NOTCH2: variants seen among roughly 807,000 people sequenced by gnomAD.
NOTCH2 encodes the protein notch receptor 2.
NOTCH2 carries 29 observed loss-of-function variants against 235.8 expected under a neutral mutation model. That is an observed-to-expected ratio of 0.12 (90% confidence interval 0.09 to 0.17). NOTCH2 has a LOEUF of 0.17. Ranked by LOEUF, NOTCH2 falls within the 10% of genes least tolerant of loss-of-function variation. NOTCH2 has a pLI of 1.00. For missense variants in NOTCH2, 2,285 were observed against 3,150.2 expected (o/e 0.73, Z 6.57); for synonymous variants, 1,086 against 1,141.5 (o/e 0.95, Z 0.98).
chr1:119,958,943 T>A (rs1650829953), intron 12 of NOTCH2, among the ~76,000 whole-genome samples: 1 of 152,150 alleles, frequency 6.6e-6, no homozygotes, highest in Non-Finnish European at 1.5e-5. Context: ...GAAGACGAAG[T>A]ACCCAGAAAT....
intron 12 of NOTCH2, among the ~76,000 whole-genome samples, chr1:119,957,885 A>ACAC (rs1553198569): frequency 2.1e-4 from 16 of 76,960 alleles, no homozygotes; most frequent in Admixed American, 1.8e-3. Flanking sequence ...CACACACACA[A>ACAC]CAGGCCCCTA....
intron 2 of NOTCH2, among the ~76,000 whole-genome samples, chr1:120,005,800 C>CA (rs1210181134): frequency 1.1e-5 from 1 of 89,944 alleles, no homozygotes; most frequent in Admixed American, 1.4e-4. Flanking sequence ...TGGCAGGTGA[C>CA]AGAGTATCAG....
rs202109327 is a variant in NOTCH2 at position 119,929,260 on chromosome 1, G to T, written c.3656-48C>A. The T allele has an allele frequency of 3.3e-6, 5 of 1,517,430 alleles. No homozygotes were observed. The East Asian group carries it at 1.1e-4, about 34-fold the overall frequency. 94.0% of individuals were successfully genotyped at this position (1,517,430 alleles called of 1,614,324 possible). A position where few individuals can be genotyped will look rare whatever the true frequency, so the allele number is the denominator to read the frequency against. On this transcript the variant is annotated intron_variant, in intron 22 of 33. Coordinates refer to ENST00000256646, the MANE Select transcript of NOTCH2 (RefSeq NM_024408.4). ...AGAATTATGAAAATCCTTTTAACCT[G>T]CTTTCCAGCAAGGGATAACCACCCT...
intron 5 of NOTCH2, among the ~76,000 whole-genome samples, chr1:119,970,881 T>C (rs1451281210): frequency 1.3e-5 from 2 of 152,228 alleles, no homozygotes; most frequent in African/African-American, 4.8e-5. Flanking sequence ...GTGTCCTTCA[T>C]TCTTCCTTTG....
In NOTCH2 at chr1:120,048,454, T is replaced by G. The variant is rs1420058067; in HGVS notation, c.74-18467A>C. Among the ~76,000 whole-genome samples the G allele has an allele frequency of 6.6e-5, 8 of 121,972 alleles. 1 individual carries two copies. The highest frequency in any genetic ancestry group is 2.1e-4 in the East Asian group (1 of 4,760). The allele number at this position is 121,972 out of a possible 152,430, so 80.0% of individuals were successfully genotyped here. ...GACAGGCCCAATACCACTTTTTTTT[T>G]TTTTTTTTTTTGGAGACAGGATCTT... On this transcript the variant is annotated intron_variant, in intron 1 of 33. Transcript: ENST00000256646.
chr1:119,966,620 T>C, intron 8 of NOTCH2, 131 bp from the exon 9 acceptor site: 1 of 721,862 alleles, frequency 1.4e-6, no homozygotes, highest in Non-Finnish European at 2.5e-6. Flanking sequence ...AAAGGAACTC[T>C]GCCATGATGA....
rs1369477173 is a variant in NOTCH2, at chr1:119,912,233, T to G, written c.*3073A>C. The G allele has an allele frequency of 4.3e-6, 1 of 233,138 alleles. No homozygotes were observed. Among genetic ancestry groups the G allele is most frequent in the Non-Finnish European group, 8.5e-6 (1 of 117,846 alleles). The allele number at this position is 233,138 out of a possible 1,614,324, so 14.4% of individuals were successfully genotyped here. On this transcript the variant is annotated 3_prime_UTR_variant, in exon 34 of 34. Coordinates refer to ENST00000256646, the MANE Select transcript of NOTCH2 (RefSeq NM_024408.4). ...GGGTTTCTCATACAAACAGATATAA[T>G]ATCACTTTTAAGAGAAATGTACACA... is the stretch of plus-strand genomic sequence containing the variant.
At position 119,914,312 on chromosome 1, in the gene NOTCH2, C is replaced by T. The variant is rs1648989889; in HGVS notation, c.*994G>A. 8.6e-6 allele frequency: 2 copies of T among 233,022 alleles called. No individual in the cohort carries two copies. The highest frequency in any genetic ancestry group is 6.0e-5 in the East Asian group (1 of 16,582). 14.4% of individuals were successfully genotyped at this position (233,022 alleles called of 1,614,324 possible). ...GGGGGACCTGTGGGTGGGTAACTGG[C>T]TCTTGCACGAGTTAACTTGTCTCTT... On this transcript the variant is annotated 3_prime_UTR_variant, in exon 34 of 34. Transcript: ENST00000256646.
chr1:119,966,319 T>C, intron 9 of NOTCH2, 57 bp downstream of exon 9: 2 of 1,123,894 alleles, frequency 1.8e-6, no homozygotes, highest in East Asian at 2.3e-5. Context: ...CTCTCTTCCC[T>C]GTGGTCAGTT....
intron 5 of NOTCH2, among the ~76,000 whole-genome samples, chr1:119,980,305 C>G (rs1299109370): frequency 6.6e-6 from 1 of 152,158 alleles, no homozygotes; most frequent in East Asian, 1.9e-4. Flanking sequence ...AAAGTATTCC[C>G]CACTAAAAAC....
intron 2 of NOTCH2, among the ~76,000 whole-genome samples, chr1:120,009,350 C>G (rs1326048506): frequency 6.6e-6 from 1 of 151,574 alleles, no homozygotes; most frequent in Non-Finnish European, 1.5e-5. Flanking sequence ...TTATGTGAAA[C>G]TAGACCTACT....
In NOTCH2 at chr1:119,925,619, G is replaced by C. The variant is rs866479046; in HGVS notation, c.4197C>G (p.Ser1399=). 1.9e-6 allele frequency: 3 copies of C among 1,613,810 alleles called. No individual in the cohort carries two copies. In the African/African-American group the frequency reaches 4.0e-5, roughly 22 times the overall value. ...CHPQRQPPYY[S]CQCAPPFSGS... Reference sequence around the variant, plus strand: ...CCGAGAATGGTGGGGCACACTGGCAGGAGTAATAAGGAGGCTGGCGCTGAG... The same window carrying C: ...CCGAGAATGGTGGGGCACACTGGCACGAGTAATAAGGAGGCTGGCGCTGAG... The change falls in exon 25 of 34, where the codon TCC becomes TCG. Residue 1399 remains serine (S), a synonymous_variant. Coordinates refer to ENST00000256646, the MANE Select transcript of NOTCH2 (RefSeq NM_024408.4).
chr1:119,925,611 C>T lies in NOTCH2; in HGVS notation c.4205G>A (p.Cys1402Tyr). Residue 1402 changes from cysteine (C) to tyrosine (Y), a missense_variant, in exon 25 of 34, where the codon TGT (cysteine) becomes TAT (tyrosine). This residue lies in a region of NOTCH2 where 1,173 missense variants were observed against 1,515.3 expected (regional missense o/e 0.77). Coordinates refer to ENST00000256646, the MANE Select transcript of NOTCH2 (RefSeq NM_024408.4). ...QRQPPYYSCQ[C>Y]APPFSGSRCE... ...GCGGCTACCCGAGAATGGTGGGGCA[C>T]ACTGGCAGGAGTAATAAGGAGGCTG... The T allele has an allele frequency of 6.2e-7, 1 of 1,614,084 alleles. No homozygotes were observed. Among genetic ancestry groups the T allele is most frequent in the Non-Finnish European group, 8.5e-7 (1 of 1,180,002 alleles).
At position 119,968,113 on chromosome 1, in the gene NOTCH2, C is replaced by T. The variant is rs370349228; in HGVS notation, c.1228G>A (p.Ala410Thr). ...ICTCPQGYKG[A>T]DCTEDVDECA... is the part of the protein sequence containing the mutation. ...TCATCCACATCTTCTGTGCAGTCAGCCCCTTTGTAGCCTTGTGGGCAGGTG... is the reference window on the plus strand; with the variant it reads ...TCATCCACATCTTCTGTGCAGTCAGTCCCTTTGTAGCCTTGTGGGCAGGTG... Residue 410 changes from alanine (A) to threonine (T), a missense_variant, in exon 7 of 34, where the codon GCT becomes ACT. By Grantham distance (58) the Ala-to-Thr change is moderately conservative. Transcript: ENST00000256646. 1.9e-6 allele frequency: 3 copies of T among 1,614,000 alleles called. No individual in the cohort carries two copies. The highest frequency in any genetic ancestry group is 2.5e-6 in the Non-Finnish European group (3 of 1,179,976).
chr1:120,063,140 G>A (rs1655372461), intron 1 of NOTCH2, among the ~76,000 whole-genome samples: 1 of 151,626 alleles, frequency 6.6e-6, no homozygotes, highest in African/African-American at 2.4e-5. Context: ...CTTTGTGAGA[G>A]GAGCAATCCT....
intron 32 of NOTCH2, 37 bp from the exon 33 acceptor site, chr1:119,917,799 C>T: frequency 8.3e-7 from 1 of 1,210,398 alleles, no homozygotes; most frequent in Non-Finnish European, 1.2e-6. Flanking sequence ...CAGACATATC[C>T]TACTCTTAGT....
chr1:119,941,882 G>A lies in NOTCH2; in HGVS notation c.2753-128C>T, dbSNP rs75324530. The A allele has an allele frequency of 3.0e-3, 2,196 of 733,966 alleles. 29 individuals are homozygous for A. In the African/African-American group the frequency reaches 0.034, roughly 11 times the overall value. The allele number at this position is 733,966 out of a possible 1,614,324, so 45.5% of individuals were successfully genotyped here. ...AATTCTGACTTTTTCATTCAATTTT[G>A]CCAACTCCCTCATTTATGAAAATGA... On this transcript the variant is annotated intron_variant, in intron 17 of 33. Coordinates refer to ENST00000256646, the MANE Select transcript of NOTCH2 (RefSeq NM_024408.4).
At chr1:119,977,656 T>C (rs1651640399) in intron 5 of NOTCH2, among the ~76,000 whole-genome samples, 1 of 152,200 alleles carries the variant, frequency 6.6e-6, no homozygotes, top group African/African-American at 2.4e-5. Flanking sequence ...TTCCAGATGA[T>C]ATGTGCTTTA....
intron 11 of NOTCH2, 55 bp downstream of exon 11, chr1:119,963,519 A>G: frequency 1.4e-6 from 2 of 1,456,240 alleles, no homozygotes. Context: ...ATCTGTGTAA[A>G]CAGATTTGAG....
Sources: gnomAD v4.1 joint callset for allele counts (sites outside exome capture counted in the v4.1 genomes callset) on GRCh38, gnomAD v4.1.1 for gene constraint, gnomAD v4.1.1 regional missense constraint, MANE v1.5 for transcripts, NCBI Gene and HGNC (gene_info 2026-07-23, HGNC 2026-07-21) for gene names.